The following TNFSF4 variants were observed in gnomAD, a reference collection of about 807,000 sequenced individuals.
TNFSF4 encodes tumor necrosis factor ligand superfamily member 4.
A neutral mutation model predicts 7.3 loss-of-function variants in TNFSF4; 4 were observed. The observed-to-expected ratio is 0.55, with a 90% CI of 0.27 to 1.25. The LOEUF is 1.25. TNFSF4 is among the 50% of genes most tolerant of loss of function. TNFSF4 has a pLI of 0.12. For missense variants in TNFSF4, 181 were observed against 208.8 expected, an observed-to-expected ratio of 0.87 and a Z score of 0.82; for synonymous variants, 76 against 83.7, an observed-to-expected ratio of 0.91 and a Z score of 0.50.
the TNFSF4 span, among the ~76,000 whole-genome samples, chr1:173,267,762 T>C: frequency 7.9e-5 from 12 of 151,834 alleles, no homozygotes; most frequent in Non-Finnish European, 1.5e-4. Context: ...CTTCATCAGA[T>C]TGCCAGTACA....
chr1:173,297,811 A>G, the TNFSF4 span, among the ~76,000 whole-genome samples: 1 of 152,020 alleles, frequency 6.6e-6, no homozygotes, highest in African/African-American at 2.4e-5. Flanking sequence ...CCTCTGGGGT[A>G]GAAGGGAAAG....
the TNFSF4 span, among the ~76,000 whole-genome samples, chr1:173,441,403 G>A: frequency 9.2e-5 from 14 of 152,048 alleles, no homozygotes; most frequent in Admixed American, 3.9e-4. Flanking sequence ...TGGGCGGATT[G>A]CCTGAGCTCA....
the TNFSF4 span, among the ~76,000 whole-genome samples, chr1:173,249,483 G>A: frequency 6.6e-6 from 1 of 152,192 alleles, no homozygotes; most frequent in East Asian, 1.9e-4. Context: ...CTACACTCTG[G>A]TAGAGCTAAG....
At chr1:173,386,581 T>C in the TNFSF4 span, among the ~76,000 whole-genome samples, 1 of 151,754 alleles carries the variant, frequency 6.6e-6, no homozygotes, top group Non-Finnish European at 1.5e-5. Context: ...CAGAGAGCCA[T>C]GGGGTTGGGG....
At chr1:173,300,160 G>GATACATACATACATACATAC in the TNFSF4 span, among the ~76,000 whole-genome samples, 2 of 146,808 alleles carry the variant, frequency 1.4e-5, no homozygotes, top group Admixed American at 6.9e-5. Flanking sequence ...ATGATTGATA[G>GATACATACATACATACATAC]ATACATACAT....
At chr1:173,395,377 A>AATATATAT in the TNFSF4 span, among the ~76,000 whole-genome samples, 3,388 of 62,558 alleles carry the variant, frequency 0.054, 217 homozygotes, top group East Asian at 0.083. Flanking sequence ...CTGTGTATAT[A>AATATATAT]ATATATATAT....
At chr1:173,179,627 G>C (rs919052566), downstream of TNFSF4, among the ~76,000 whole-genome samples, 1 of 152,134 alleles carries the variant, frequency 6.6e-6, no homozygotes, top group Non-Finnish European at 1.5e-5. Flanking sequence ...CTGCAAATAA[G>C]ATACAAGTTT....
At chr1:173,398,416 T>C in the TNFSF4 span, among the ~76,000 whole-genome samples, 1 of 146,812 alleles carries the variant, frequency 6.8e-6, no homozygotes, top group Non-Finnish European at 1.5e-5. Flanking sequence ...TTTCTTTTTT[T>C]TTTTTTTTTT....
the TNFSF4 span, among the ~76,000 whole-genome samples, chr1:173,382,315 AC>A: frequency 6.6e-6 from 1 of 151,982 alleles, no homozygotes. Flanking sequence ...GAATGAAGAA[AC>A]TCTGGACACA....
the TNFSF4 span, among the ~76,000 whole-genome samples, chr1:173,228,920 T>C: frequency 2.0e-5 from 3 of 152,156 alleles, no homozygotes; most frequent in Non-Finnish European, 2.9e-5. Flanking sequence ...CCAAGAAATA[T>C]GGGACTATGT....
chr1:173,248,491 G>GAAAGAAA, the TNFSF4 span, among the ~76,000 whole-genome samples: 2 of 136,102 alleles, frequency 1.5e-5, no homozygotes, highest in South Asian at 2.3e-4. Flanking sequence ...AAGGAAGGAA[G>GAAAGAAA]GAAAGAAAGA....
At chr1:173,195,210 T>A (rs1458322172) in intron 1 of TNFSF4, among the ~76,000 whole-genome samples, 1 of 152,228 alleles carries the variant, frequency 6.6e-6, no homozygotes, top group Non-Finnish European at 1.5e-5. Flanking sequence ...ATTGTTTTCA[T>A]CATCAATACT....
chr1:173,233,294 A>G, the TNFSF4 span, among the ~76,000 whole-genome samples: 1 of 152,226 alleles, frequency 6.6e-6, no homozygotes, highest in Non-Finnish European at 1.5e-5. Flanking sequence ...CAGTAAAAAG[A>G]AATGAACAAA....
At chr1:173,306,202 G>A in the TNFSF4 span, among the ~76,000 whole-genome samples, 10 of 151,720 alleles carry the variant, frequency 6.6e-5, no homozygotes, top group South Asian at 4.2e-4. Context: ...TCGAAGACTC[G>A]ATGAAATTTA....
At chr1:173,340,176 C>G in the TNFSF4 span, among the ~76,000 whole-genome samples, 1 of 152,084 alleles carries the variant, frequency 6.6e-6, no homozygotes, top group South Asian at 2.1e-4. Flanking sequence ...ACTGAAACAT[C>G]AGTTTTTCCC....
chr1:173,370,483 C>A, the TNFSF4 span, among the ~76,000 whole-genome samples: 4 of 152,118 alleles, frequency 2.6e-5, no homozygotes, highest in Non-Finnish European at 4.4e-5. Context: ...GGAAAAAGCC[C>A]ATTAATTATT....
the TNFSF4 span, among the ~76,000 whole-genome samples, chr1:173,178,277 T>C: frequency 7.2e-5 from 11 of 152,312 alleles, no homozygotes; most frequent in East Asian, 1.5e-3. Flanking sequence ...CCCTGAATTC[T>C]TAAAAGTTGA....
At chr1:173,351,265 G>T in the TNFSF4 span, among the ~76,000 whole-genome samples, 1 of 152,012 alleles carries the variant, frequency 6.6e-6, no homozygotes, top group Non-Finnish European at 1.5e-5. Context: ...TTCTTAGCTG[G>T]TCTCTTCTCT....
the TNFSF4 span, chr1:173,175,378 A>G: frequency 3.3e-5 from 5 of 152,242 alleles, no homozygotes; most frequent in Non-Finnish European, 7.3e-5. Context: ...TACTTTATAA[A>G]AGAATTTTTA....
Sources: allele counts gnomAD v4.1 joint callset (sites outside exome capture counted in the v4.1 genomes callset), GRCh38; gene constraint gnomAD v4.1.1; transcripts MANE v1.5; gene names NCBI Gene and HGNC (gene_info 2026-07-23, HGNC 2026-07-21).